The following MYH1 variants were observed in gnomAD, a reference collection of about 807,000 sequenced individuals.
The protein encoded by MYH1 is myosin-1.
A neutral mutation model predicts 225.6 loss-of-function variants in MYH1; 214 were observed. The observed-to-expected ratio is 0.95, with a 90% CI of 0.85 to 1.06. The LOEUF (loss-of-function observed/expected upper bound fraction) is 1.06. MYH1 is among the 50% of genes least tolerant of loss of function. MYH1 has a pLI of 0.00. For missense variants in MYH1, 2,098 were observed against 2,344.2 expected, an observed-to-expected ratio of 0.89 and a Z score of 2.17; for synonymous variants, 774 against 842.3, an observed-to-expected ratio of 0.92 and a Z score of 1.40.
At position 10,506,073 on chromosome 17, in the gene MYH1, G is replaced by A. The variant is rs774749073; in HGVS notation, c.1995C>T (p.Asn665=). 5.6e-6 allele frequency: 9 copies of A among 1,614,194 alleles called. No homozygotes were observed. In the Admixed American group the frequency reaches 1.5e-4, roughly 27 times the overall value. ...CAAAGTGGGGGTGAGTGCTCCTCAA[G>A]TTGGTCATCAGCTTATTCAAATTCT... ...FRENLNKLMT[N]LRSTHPHFVR... is the part of the protein sequence containing the mutation. Residue 665 remains asparagine (N), a synonymous_variant, in exon 18 of 40, where the codon AAC becomes AAT. Coordinates refer to ENST00000226207, the MANE Select transcript of MYH1 (RefSeq NM_005963.4).
At chr17:10,509,734 C>G (rs959769398) in intron 14 of MYH1, 79 bp from the exon 15 acceptor site, 3 of 1,611,392 alleles carry the variant, frequency 1.9e-6, no homozygotes, top group East Asian at 2.2e-5. Flanking sequence ...TTTTAGTTAG[C>G]CAAATTGCCC....
intron 14 of MYH1, among the ~76,000 whole-genome samples, chr17:10,510,958 A>T (rs2073165248): frequency 6.6e-6 from 1 of 152,062 alleles, no homozygotes; most frequent in Non-Finnish European, 1.5e-5. Context: ...TCAAAAAAAA[A>T]AAAAGAAGCA....
chr17:10,494,695 A>C (rs2072969255), intron 37 of MYH1, 22 bp from the exon 38 acceptor site: 1 of 1,612,028 alleles, frequency 6.2e-7, no homozygotes, highest in African/African-American at 1.3e-5. Flanking sequence ...TGGACATTTT[A>C]AGGACATTCA....
intron 24 of MYH1, 84 bp downstream of exon 24, chr17:10,502,654 C>T (rs1313122908): frequency 2.5e-5 from 40 of 1,584,070 alleles, no homozygotes; most frequent in Non-Finnish European, 3.3e-5. Flanking sequence ...GATAAGTACT[C>T]ACTATATCAT....
chr17:10,492,664 T>C, intron 39 of MYH1, 96 bp from the exon 40 acceptor site: 1 of 1,324,648 alleles, frequency 7.5e-7, no homozygotes, highest in Non-Finnish European at 1.0e-6. Flanking sequence ...TAAAAATGAT[T>C]CACTCTAGCA....
intron 28 of MYH1, among the ~76,000 whole-genome samples, chr17:10,499,840 G>A (rs754629159): frequency 6.6e-6 from 1 of 152,134 alleles, no homozygotes; most frequent in African/African-American, 2.4e-5. Context: ...AAAGTGTAGA[G>A]TGATTTTCCA....
intron 19 of MYH1, 106 bp from the exon 20 acceptor site, chr17:10,505,617 G>C: frequency 7.0e-7 from 1 of 1,428,906 alleles, no homozygotes; most frequent in Non-Finnish European, 9.5e-7. Flanking sequence ...AAATAAACAA[G>C]AAATCATATC....
Position 10,512,706 on chromosome 17 carries a change from T to A in MYH1, c.983A>T (p.Asp328Val). ...QGEITVPSID[D>V]QEELMATDSA... ...ATCTGTAGCCATCAACTCTTCTTGG[T>A]CATCAATGCTGGGCACTGTGATCTC... The change falls in exon 11 of 40, where the codon GAC (aspartate) becomes GTC (valine). Residue 328 changes from aspartate to valine, a missense_variant. Physicochemically the swap from Asp to Val is radical, Grantham distance 152 (BLOSUM62 -3). Transcript: ENST00000226207. 6.2e-7 allele frequency: 1 copy of A among 1,614,170 alleles called. No homozygotes were observed. Among genetic ancestry groups the A allele is most frequent in the Non-Finnish European group, 8.5e-7 (1 of 1,180,018 alleles).
Position 10,512,949 on chromosome 17 carries a change from A to G in MYH1, c.822T>C (p.Ser274=). The change falls in exon 10 of 40, where the codon TCT becomes TCC. Residue 274 remains serine, a synonymous_variant. Coordinates refer to ENST00000226207, the MANE Select transcript of MYH1 (RefSeq NM_005963.4). ...ADIETYLLEK[S]RVTFQLKAER... is the part of the protein sequence containing the mutation. ...CAGCCTTTAGCTGGAAAGTAACTCT[A>G]GACTTCTCCAGAAGATCTGCAACGG... is the stretch of plus-strand genomic sequence containing the variant. 6.2e-7 allele frequency: 1 copy of G among 1,611,632 alleles called. No individual in the cohort carries two copies. The highest frequency in any genetic ancestry group is 8.5e-7 in the Non-Finnish European group (1 of 1,178,074).
Position 10,501,201 on chromosome 17 carries a change from C to A in MYH1, c.3647G>T (p.Arg1216Leu), listed in dbSNP as rs371858208. The A allele has an allele frequency of 4.3e-6, 7 of 1,614,150 alleles. No homozygotes were observed. Among genetic ancestry groups the A allele is most frequent in the Non-Finnish European group, 5.9e-6 (7 of 1,180,002 alleles). Residue 1216 changes from arginine to leucine, a missense_variant, in exon 27 of 40, where the codon CGA (arginine) becomes CTA (leucine). Arg to Leu is a moderately radical substitution (Grantham distance 102). Transcript: ENST00000226207. ...CTCCTTCTCCAGCTTCTGCTTCACTCGCTGCAGGTTGTCAATCTGCTCCCC... is the reference window on the plus strand; with the variant it reads ...CTCCTTCTCCAGCTTCTGCTTCACTAGCTGCAGGTTGTCAATCTGCTCCCC... Reference protein sequence around the residue: ...ELGEQIDNLQRVKQKLEKEKS... With the variant: ...ELGEQIDNLQLVKQKLEKEKS...
At position 10,509,651 on chromosome 17, in the gene MYH1, T is replaced by C; in HGVS notation, c.1421A>G (p.Asn474Ser). 1 of 1,614,220 alleles carries C rather than the reference T, an allele frequency of 6.2e-7. No homozygotes were observed. The highest frequency in any genetic ancestry group is 8.5e-7 in the Non-Finnish European group (1 of 1,180,028). Residue 474 changes from asparagine to serine, a missense_variant, in exon 15 of 40, where the codon AAC (asparagine) becomes AGC (serine). Asn to Ser is a conservative substitution (Grantham distance 46). Transcript: ENST00000226207. Reference sequence around the variant, plus strand: ...GTTGATGCACAGCTGCTCCAGGCTGTTGAACTAAATGAGTTGAAAATACAA... The same window carrying C: ...GTTGATGCACAGCTGCTCCAGGCTGCTGAACTAAATGAGTTGAAAATACAA... ...DIAGFEIFDF[N>S]SLEQLCINFT...
chr17:10,513,985 G>T, intron 7 of MYH1, 25 bp downstream of exon 7: 1 of 1,614,068 alleles, frequency 6.2e-7, no homozygotes, highest in Non-Finnish European at 8.5e-7. Context: ...ACAGAGCCTG[G>T]ATTCTGACTA....
chr17:10,504,728 G>T, intron 22 of MYH1, 82 bp downstream of exon 22: 2 of 1,457,990 alleles, frequency 1.4e-6, no homozygotes, highest in Non-Finnish European at 1.9e-6. Flanking sequence ...TCCCTTATTT[G>T]GTAGAATCTA....
chr17:10,512,358 A>G (rs765399050), intron 12 of MYH1, 50 bp downstream of exon 12: 35 of 1,613,750 alleles, frequency 2.2e-5, no homozygotes, highest in Non-Finnish European at 2.6e-5. Flanking sequence ...TGGAATGGAC[A>G]TTTTTGCCTA....
intron 28 of MYH1, 100 bp from the exon 29 acceptor site, chr17:10,499,192 T>G (rs377175694): frequency 1.0e-6 from 1 of 955,702 alleles, no homozygotes; most frequent in East Asian, 2.4e-5. Flanking sequence ...TGAAACTTGA[T>G]GGAGGGCATG....
intron 39 of MYH1, 93 bp downstream of exon 39, chr17:10,494,261 C>T: frequency 1.6e-6 from 2 of 1,250,222 alleles, no homozygotes; most frequent in Non-Finnish European, 2.3e-6. Context: ...TCTTTTGATC[C>T]TTCCTCATTT....
At chr17:10,514,464 T>C (rs2073205659) in intron 6 of MYH1, among the ~76,000 whole-genome samples, 1 of 152,198 alleles carries the variant, frequency 6.6e-6, no homozygotes, top group East Asian at 1.9e-4. Context: ...TGTTTTTCCA[T>C]TTCCTCGGAC....
chr17:10,503,401 T>C (rs2073077792), intron 22 of MYH1, among the ~76,000 whole-genome samples, 153 bp from the exon 23 acceptor site: 1 of 152,220 alleles, frequency 6.6e-6, no homozygotes, highest in East Asian at 1.9e-4. Context: ...TGGGCACTTA[T>C]GAGTCCGGTA....
chr17:10,500,604 T>C, intron 28 of MYH1, 22 bp downstream of exon 28: 1 of 1,612,388 alleles, frequency 6.2e-7, no homozygotes, highest in Non-Finnish European at 8.5e-7. Context: ...TCATTCAAGG[T>C]CAGTACTGGT....
Sources: allele counts gnomAD v4.1 joint callset (sites outside exome capture counted in the v4.1 genomes callset), GRCh38; gene constraint gnomAD v4.1.1; transcripts MANE v1.5; gene names NCBI Gene and HGNC (gene_info 2026-07-23, HGNC 2026-07-21).